The following MAGI2 variants were observed in gnomAD, a reference collection of about 807,000 sequenced individuals.
The protein encoded by MAGI2 is membrane associated guanylate kinase, WW and PDZ domain containing 2, also known as membrane-associated guanylate kinase, WW and PDZ domain-containing protein 2.
MAGI2 carries 35 observed loss-of-function variants against 133.3 expected under a neutral mutation model. The observed-to-expected ratio is 0.26, with a 90% confidence interval of 0.20 to 0.35. The LOEUF (loss-of-function observed/expected upper bound fraction) is 0.35. Among genes scored for constraint, MAGI2 ranks in the 10% least tolerant of loss-of-function variants. The pLI is 1.00. For missense variants in MAGI2, 1,636 were observed against 1,863.4 expected, an observed-to-expected ratio of 0.88 and a Z score of 2.25; for synonymous variants, 729 against 710.6, an observed-to-expected ratio of 1.03 and a Z score of -0.41.
chr7:78,658,493 C>T (rs371436540), intron 2 of MAGI2, among the ~76,000 whole-genome samples: 15 of 152,102 alleles, frequency 9.9e-5, no homozygotes, highest in African/African-American at 3.4e-4. Context: ...TAATTAAGAT[C>T]ATTTGCTGTA....
chr7:79,323,753 T>C (rs1211055093), intron 1 of MAGI2, among the ~76,000 whole-genome samples: 1 of 152,130 alleles, frequency 6.6e-6, no homozygotes, highest in Non-Finnish European at 1.5e-5. Flanking sequence ...AAAAGCCAAT[T>C]GGTACAGTTT....
At chr7:79,136,068 G>GAAAGAAAGAAAGAAGGAAA (rs1821480191) in intron 1 of MAGI2, among the ~76,000 whole-genome samples, 3 of 94,620 alleles carry the variant, frequency 3.2e-5, no homozygotes, top group African/African-American at 1.4e-4. Context: ...AAAGAAAGAA[G>GAAAGAAAGAAAGAAGGAAA]GAAAGAAAGA....
chr7:79,300,645 C>T (rs1411653267), intron 1 of MAGI2, among the ~76,000 whole-genome samples: 2 of 152,096 alleles, frequency 1.3e-5, no homozygotes, highest in Non-Finnish European at 2.9e-5. Context: ...AAGTAAAAGC[C>T]TTTTCAGGAG....
intron 1 of MAGI2, among the ~76,000 whole-genome samples, chr7:79,280,828 G>A (rs1835580522): frequency 1.3e-5 from 2 of 149,704 alleles, no homozygotes; most frequent in Non-Finnish European, 3.0e-5. Flanking sequence ...GGTAGGTTGA[G>A]GTAGGAGGAT....
chr7:78,864,685 T>C (rs1326859737), intron 2 of MAGI2, among the ~76,000 whole-genome samples: 2 of 152,230 alleles, frequency 1.3e-5, no homozygotes, highest in Admixed American at 6.5e-5. Flanking sequence ...TTATTTCATT[T>C]TCATTTTGCT....
chr7:78,040,185 C>T (rs998085600), intron 21 of MAGI2, among the ~76,000 whole-genome samples: 5 of 152,246 alleles, frequency 3.3e-5, no homozygotes, highest in Non-Finnish European at 7.3e-5. Flanking sequence ...TGGGGCGCCC[C>T]TCTGGGGCTT....
chr7:78,749,419 A>G (rs1350840022), intron 2 of MAGI2, among the ~76,000 whole-genome samples: 2 of 152,196 alleles, frequency 1.3e-5, no homozygotes, highest in Non-Finnish European at 2.9e-5. Context: ...GGTAAATCAT[A>G]TGGTATATTA....
At chr7:78,899,476 C>T (rs1361243561) in intron 2 of MAGI2, among the ~76,000 whole-genome samples, 3 of 152,166 alleles carry the variant, frequency 2.0e-5, no homozygotes, top group Admixed American at 2.0e-4. Context: ...CTGTTAAAAT[C>T]CTACCTTGGC....
intron 2 of MAGI2, among the ~76,000 whole-genome samples, chr7:78,866,864 T>C (rs573045168): frequency 6.6e-6 from 1 of 152,008 alleles, no homozygotes; most frequent in East Asian, 1.9e-4. Context: ...AACAACCCCA[T>C]CAAAAAGTGG....
In MAGI2 at chr7:78,813,305, T is replaced by C. The variant is rs554530571; in HGVS notation, c.419-186066A>G. On this transcript the variant is annotated intron_variant, in intron 2 of 21. Transcript: ENST00000354212. ...TGTGAAAATCTTTTGTATAATATTA[T>C]CAAATAAATCAGTAATAAAGAAAAA... Among the ~76,000 whole-genome samples the C allele has an allele frequency of 5.3e-5, 8 of 152,226 alleles. No individual in the cohort carries two copies. In the East Asian group the frequency reaches 1.4e-3, roughly 26 times the overall value.
intron 3 of MAGI2, among the ~76,000 whole-genome samples, chr7:78,558,856 T>TC (rs1800099247): frequency 7.2e-6 from 1 of 138,112 alleles, no homozygotes; most frequent in Non-Finnish European, 1.6e-5. Flanking sequence ...TTTTTTTTTT[T>TC]CTTGCAAAGC....
At chr7:78,107,945 TG>T (rs2150452981) in intron 20 of MAGI2, among the ~76,000 whole-genome samples, 1 of 151,026 alleles carries the variant, frequency 6.6e-6, no homozygotes, top group South Asian at 2.1e-4. Flanking sequence ...GTTGACCTTT[TG>T]TATCCTTTTT....
chr7:79,001,962 A>G (rs114721960), intron 2 of MAGI2, among the ~76,000 whole-genome samples: 1,845 of 152,160 alleles, frequency 0.012, 40 homozygotes, highest in African/African-American at 0.042. Context: ...ACTTTTATCT[A>G]TATATGTTTT....
chr7:78,898,868 C>T (rs1474740237), intron 2 of MAGI2, among the ~76,000 whole-genome samples: 1 of 152,116 alleles, frequency 6.6e-6, no homozygotes, highest in South Asian at 2.1e-4. Flanking sequence ...CATTTCCCTT[C>T]TATTTTTACT....
chr7:78,593,716 T>C (rs1804292935), intron 3 of MAGI2, among the ~76,000 whole-genome samples: 1 of 152,174 alleles, frequency 6.6e-6, no homozygotes, highest in African/African-American at 2.4e-5. Flanking sequence ...GAGTACAACA[T>C]GAAAGCAAAA....
At chr7:78,261,005 G>A (rs755015540) in intron 9 of MAGI2, among the ~76,000 whole-genome samples, 17 of 151,752 alleles carry the variant, frequency 1.1e-4, no homozygotes, top group Admixed American at 3.9e-4. Flanking sequence ...CTCTACCCCC[G>A]CATTCTTTGA....
chr7:78,562,353 G>A (rs1007564519), intron 3 of MAGI2, among the ~76,000 whole-genome samples: 8 of 152,174 alleles, frequency 5.3e-5, no homozygotes, highest in African/African-American at 1.9e-4. Context: ...ATACACTGTA[G>A]TAGAAAGGAA....
At chr7:79,249,589 T>C (rs1177930758) in intron 1 of MAGI2, among the ~76,000 whole-genome samples, 1 of 151,980 alleles carries the variant, frequency 6.6e-6, no homozygotes, top group African/African-American at 2.4e-5. Flanking sequence ...CATACCAATA[T>C]TGAACAATGA....
intron 1 of MAGI2, among the ~76,000 whole-genome samples, chr7:79,037,873 G>A: frequency 6.6e-6 from 1 of 152,042 alleles, no homozygotes; most frequent in East Asian, 1.9e-4. Flanking sequence ...CTCACCTTCT[G>A]AATTTTAAGG....
Sources: gnomAD v4.1 joint callset for allele counts (sites outside exome capture counted in the v4.1 genomes callset) on GRCh38, gnomAD v4.1.1 for gene constraint, MANE v1.5 for transcripts, NCBI Gene and HGNC (gene_info 2026-07-23, HGNC 2026-07-21) for gene names.